Variants in PARD3 observed in about 807,000 individuals in gnomAD.
PARD3 encodes the protein par-3 family cell polarity regulator, also known as partitioning defective 3 homolog.
PARD3 carries 75 observed loss-of-function variants against 155.4 expected under a neutral mutation model. The observed-to-expected ratio is 0.48, with a 90% CI of 0.40 to 0.58. PARD3 has a LOEUF of 0.58. Ranked by LOEUF, PARD3 falls within the 20% of genes least tolerant of loss-of-function variation. PARD3 has a pLI of 0.00. For synonymous variants in PARD3, 576 were observed against 610.5 expected, an observed-to-expected ratio of 0.94 and a Z score of 0.83; for missense variants, 1,642 against 1,721.7, an observed-to-expected ratio of 0.95 and a Z score of 0.82.
chr10:34,316,150 A>G (rs998638862), intron 20 of PARD3, among the ~76,000 whole-genome samples: 1 of 152,246 alleles, frequency 6.6e-6, no homozygotes. Flanking sequence ...GGGGATCCAT[A>G]ATGCAGGATA....
chr10:34,117,466 G>T (rs576254657), intron 24 of PARD3, among the ~76,000 whole-genome samples: 1 of 152,280 alleles, frequency 6.6e-6, no homozygotes, highest in African/African-American at 2.4e-5. Context: ...GGGTAGCGGA[G>T]TGGGGGATAG....
At chr10:34,306,068 C>T (rs187448206) in intron 20 of PARD3, among the ~76,000 whole-genome samples, 30 of 151,134 alleles carry the variant, frequency 2.0e-4, no homozygotes, top group African/African-American at 4.9e-4. Context: ...CACAGGTGGG[C>T]GGATCATTTG....
intron 2 of PARD3, 116 bp downstream of exon 2, chr10:34,696,202 C>T (rs1164373873): frequency 1.2e-5 from 8 of 646,852 alleles, no homozygotes; most frequent in Non-Finnish European, 2.2e-5. Context: ...GAGTGGGTGG[C>T]CCACACATAA....
intron 20 of PARD3, among the ~76,000 whole-genome samples, chr10:34,289,470 G>C (rs1055171909): frequency 1.3e-5 from 2 of 151,976 alleles, no homozygotes; most frequent in Non-Finnish European, 2.9e-5. Context: ...GACTACAGGC[G>C]TGAGCCACTG....
At chr10:34,297,544 T>C (rs1956964076) in intron 20 of PARD3, among the ~76,000 whole-genome samples, 1 of 152,208 alleles carries the variant, frequency 6.6e-6, no homozygotes, top group Non-Finnish European at 1.5e-5. Flanking sequence ...CATCTCCTCC[T>C]CCATTTCCAG....
At chr10:34,383,648 T>C (rs954153448) in intron 8 of PARD3, among the ~76,000 whole-genome samples, 1 of 152,194 alleles carries the variant, frequency 6.6e-6, no homozygotes, top group Non-Finnish European at 1.5e-5. Flanking sequence ...CCAACTGTTA[T>C]GTTTTTCATT....
intron 1 of PARD3, among the ~76,000 whole-genome samples, chr10:34,738,586 A>G (rs75233392): frequency 0.02 from 3,003 of 152,312 alleles, 100 homozygotes; most frequent in African/African-American, 0.068. Flanking sequence ...TCTACACATA[A>G]TTTAAAAATT....
intron 2 of PARD3, among the ~76,000 whole-genome samples, chr10:34,611,870 C>T (rs1254896187): frequency 2.2e-5 from 3 of 136,396 alleles, no homozygotes; most frequent in African/African-American, 8.4e-5. Context: ...AGTGCAGTGG[C>T]GCAATCTCGG....
intron 22 of PARD3, among the ~76,000 whole-genome samples, chr10:34,230,890 T>C (rs370637951): frequency 5.9e-5 from 9 of 152,094 alleles, no homozygotes; most frequent in African/African-American, 1.9e-4. Context: ...TAGCTGGGCA[T>C]TGGGGTGAGG....
intron 5 of PARD3, 91 bp from the exon 6 acceptor site, chr10:34,402,008 G>C (rs993822901): frequency 2.1e-6 from 2 of 968,300 alleles, no homozygotes; most frequent in Admixed American, 3.4e-5. Flanking sequence ...AAGTCTAATA[G>C]GCATTATGAT....
chr10:34,649,582 C>T (rs1324704659), intron 2 of PARD3, among the ~76,000 whole-genome samples: 3 of 152,224 alleles, frequency 2.0e-5, no homozygotes, highest in African/African-American at 2.4e-5. Flanking sequence ...ATGGAGCTTG[C>T]GGGACTGGAA....
At chr10:34,246,271 G>C (rs1953944436) in intron 22 of PARD3, among the ~76,000 whole-genome samples, 1 of 152,160 alleles carries the variant, frequency 6.6e-6, no homozygotes, top group Admixed American at 6.5e-5. Context: ...GCAATAAGAA[G>C]ATACAGTAGT....
chr10:34,359,110 A>C, intron 14 of PARD3, 37 bp downstream of exon 14: 2 of 1,550,254 alleles, frequency 1.3e-6, no homozygotes, highest in Non-Finnish European at 1.8e-6. Context: ...TAGTTTATTT[A>C]CAATTTTAGA....
intron 15 of PARD3, chr10:34,345,101 C>G: frequency 1.0e-6 from 1 of 983,930 alleles, no homozygotes; most frequent in Non-Finnish European, 1.2e-6. Context: ...GAATGAAGAT[C>G]TCAGCATTCC....
chr10:34,565,202 T>C (rs2085822064), intron 2 of PARD3, among the ~76,000 whole-genome samples: 1 of 150,940 alleles, frequency 6.6e-6, no homozygotes, highest in South Asian at 2.1e-4. Context: ...ATTAAGACAG[T>C]TCTTCGTCTG....
intron 3 of PARD3, among the ~76,000 whole-genome samples, chr10:34,472,222 GAAACAT>G (rs1381450555): frequency 6.6e-6 from 1 of 152,112 alleles, no homozygotes; most frequent in Non-Finnish European, 1.5e-5. Flanking sequence ...TGTGCTGAGA[GAAACAT>G]AAACATGAGG....
chr10:34,373,773 T>C (rs562472679), intron 11 of PARD3, among the ~76,000 whole-genome samples: 2 of 152,186 alleles, frequency 1.3e-5, no homozygotes, highest in East Asian at 1.9e-4. Context: ...AAAATCCACA[T>C]TAAGTTTTAA....
intron 23 of PARD3, among the ~76,000 whole-genome samples, chr10:34,121,279 A>G (rs1946987062): frequency 6.6e-6 from 1 of 152,162 alleles, no homozygotes; most frequent in Non-Finnish European, 1.5e-5. Flanking sequence ...GCTGTGCTCA[A>G]AATATACAAT....
At chr10:34,657,594 A>G (rs562383388) in intron 2 of PARD3, among the ~76,000 whole-genome samples, 103 of 152,252 alleles carry the variant, frequency 6.8e-4, no homozygotes, top group Non-Finnish European at 1.3e-3. Flanking sequence ...ACTGGAGTAC[A>G]GTGGCACGAT....
Sources: gnomAD v4.1 joint callset for allele counts (sites outside exome capture counted in the v4.1 genomes callset) on GRCh38, gnomAD v4.1.1 for gene constraint, MANE v1.5 for transcripts, NCBI Gene and HGNC (gene_info 2026-07-23, HGNC 2026-07-21) for gene names.